RNF216: variants seen among roughly 807,000 people sequenced by gnomAD.
RNF216 encodes the protein E3 ubiquitin-protein ligase RNF216.
In RNF216, 72 loss-of-function variants were observed where a neutral mutation model predicts 110.8. The observed-to-expected ratio is 0.65, with a 90% confidence interval of 0.54 to 0.79. The LOEUF is 0.79. Among genes scored for constraint, RNF216 ranks in the 30% least tolerant of loss-of-function variants. The pLI is 0.00. For synonymous variants in RNF216, 495 were observed against 407.5 expected (o/e 1.21, Z -2.59); for missense variants, 1,342 against 1,141.2 (o/e 1.18, Z -2.54).
At chr7:5,710,088 G>A (rs1792570622) in intron 13 of RNF216, among the ~76,000 whole-genome samples, 1 of 152,196 alleles carries the variant, frequency 6.6e-6, no homozygotes, top group African/African-American at 2.4e-5. Flanking sequence ...GGCTGGGGGT[G>A]GTGGCTTACA....
chr7:5,715,017 G>C (rs769438089), intron 11 of RNF216, 36 bp downstream of exon 11: 3 of 1,582,554 alleles, frequency 1.9e-6, no homozygotes, highest in Admixed American at 3.4e-5. Context: ...CCAGGAATGT[G>C]TCCTATATAC....
intron 3 of RNF216, among the ~76,000 whole-genome samples, chr7:5,751,939 G>C (rs1053349586): frequency 2.0e-5 from 3 of 150,170 alleles, no homozygotes; most frequent in Non-Finnish European, 3.0e-5. Context: ...TATAATCTCA[G>C]CACTTTGGGA....
chr7:5,649,556 T>C (rs1460627124), intron 14 of RNF216: 1 of 152,050 alleles, frequency 6.6e-6, no homozygotes, highest in Non-Finnish European at 1.5e-5. Flanking sequence ...TCTGTTGCTC[T>C]TTGGTCCCAG....
chr7:5,771,698 G>A (rs186495670), intron 1 of RNF216, among the ~76,000 whole-genome samples: 1 of 152,280 alleles, frequency 6.6e-6, no homozygotes, highest in East Asian at 1.9e-4. Flanking sequence ...TCAGGAGGCT[G>A]AGGTGGGAAG....
intron 13 of RNF216, among the ~76,000 whole-genome samples, chr7:5,684,097 T>C (rs960939451): frequency 8.2e-5 from 9 of 109,804 alleles, no homozygotes; most frequent in African/African-American, 3.9e-4. Context: ...GGGCCTTCTT[T>C]TTTTTTTTTT....
chr7:5,726,607 C>G (rs1401112588), intron 7 of RNF216, among the ~76,000 whole-genome samples: 3 of 152,074 alleles, frequency 2.0e-5, no homozygotes, highest in Non-Finnish European at 2.9e-5. Context: ...CCTGTAATCC[C>G]AGCACTTTGG....
intron 13 of RNF216, among the ~76,000 whole-genome samples, chr7:5,709,365 G>A (rs149340965): frequency 2.6e-5 from 4 of 152,332 alleles, no homozygotes; most frequent in African/African-American, 9.6e-5. Flanking sequence ...GAGAGCCAGC[G>A]TCACAAATTC....
intron 13 of RNF216, among the ~76,000 whole-genome samples, chr7:5,668,291 T>C (rs995817184): frequency 6.6e-6 from 1 of 151,340 alleles, no homozygotes; most frequent in African/African-American, 2.4e-5. Flanking sequence ...TGGCGCAATC[T>C]TGGCTCACTG....
chr7:5,653,711 G>C (rs1238725817), intron 13 of RNF216, among the ~76,000 whole-genome samples: 1 of 151,652 alleles, frequency 6.6e-6, no homozygotes, highest in East Asian at 2.0e-4. Flanking sequence ...AAAACATAGT[G>C]TTGTCAGTTT....
At chr7:5,739,208 A>G in intron 5 of RNF216, 68 bp downstream of exon 5, 10 of 1,427,816 alleles carry the variant, frequency 7.0e-6, no homozygotes, top group Non-Finnish European at 9.2e-6. Flanking sequence ...TTAAAATGGT[A>G]AATTTTTTAT....
chr7:5,751,827 T>TAAAAAAAAA (rs3075700), intron 3 of RNF216, among the ~76,000 whole-genome samples: 2 of 37,296 alleles, frequency 5.4e-5, no homozygotes, highest in Admixed American at 4.6e-4. Context: ...ATCTTTAAAC[T>TAAAAAAAAA]AAAAAAAAAA....
intron 13 of RNF216, among the ~76,000 whole-genome samples, chr7:5,711,152 G>C (rs566096568): frequency 1.3e-5 from 2 of 152,240 alleles, no homozygotes; most frequent in Admixed American, 1.3e-4. Context: ...ACTCTAAGTG[G>C]CTTCTAAATA....
chr7:5,780,413 A>C (rs1797015436), intron 1 of RNF216: 1 of 152,180 alleles, frequency 6.6e-6, no homozygotes, highest in Admixed American at 6.5e-5. Flanking sequence ...AGGGTCCCGG[A>C]GAACATATCT....
At chr7:5,648,147 C>T (rs1182595401) in intron 14 of RNF216, among the ~76,000 whole-genome samples, 1 of 151,330 alleles carries the variant, frequency 6.6e-6, no homozygotes, top group Non-Finnish European at 1.5e-5. Context: ...GCTCTTCTTG[C>T]TCAGGCTGGA....
rs565845413 is a variant in RNF216 at position 5,673,297 on chromosome 7, C to T, written c.2062-20787G>A. Among the ~76,000 whole-genome samples the T allele has an allele frequency of 1.7e-4, 26 of 152,320 alleles. No homozygotes were observed. In the South Asian group the frequency reaches 2.9e-3, roughly 17 times the overall value. On this transcript the variant is annotated intron_variant, in intron 13 of 16. Transcript: ENST00000389902. ...TACCCTGCCTGCTTACGGTAATTAGCGTGGCCCTGTCAGTGGAGCTGCTGT... is the reference window on the plus strand; with the variant it reads ...TACCCTGCCTGCTTACGGTAATTAGTGTGGCCCTGTCAGTGGAGCTGCTGT...
intron 2 of RNF216, among the ~76,000 whole-genome samples, chr7:5,754,282 A>G (rs1795497622): frequency 6.6e-6 from 1 of 151,916 alleles, no homozygotes; most frequent in Admixed American, 6.6e-5. Context: ...CAGCTTCCCA[A>G]GTAGCTAGGA....
intron 13 of RNF216, among the ~76,000 whole-genome samples, chr7:5,689,819 T>C (rs1024947123): frequency 1.3e-5 from 2 of 151,598 alleles, no homozygotes; most frequent in African/African-American, 2.4e-5. Flanking sequence ...AGCTGGGTGT[T>C]ATTCCAGCCA....
At chr7:5,735,064 C>G (rs1473380771) in intron 5 of RNF216, among the ~76,000 whole-genome samples, 1 of 150,638 alleles carries the variant, frequency 6.6e-6, no homozygotes, top group African/African-American at 2.4e-5. Context: ...AAGAATCGCT[C>G]GAACCCAGAA....
intron 15 of RNF216, among the ~76,000 whole-genome samples, chr7:5,626,735 A>G (rs887661341): frequency 7.2e-5 from 11 of 152,070 alleles, no homozygotes; most frequent in Non-Finnish European, 1.3e-4. Context: ...CCGTGGGCCT[A>G]CACCTCTTAG....
Sources: allele counts gnomAD v4.1 joint callset (sites outside exome capture counted in the v4.1 genomes callset), GRCh38; gene constraint gnomAD v4.1.1; transcripts MANE v1.5; gene names NCBI Gene and HGNC (gene_info 2026-07-23, HGNC 2026-07-21).